The following RAD51B variants were observed in gnomAD, a reference collection of about 807,000 sequenced individuals.
The protein encoded by RAD51B is DNA repair protein RAD51 homolog 2.
In RAD51B, 38 loss-of-function variants were observed where a neutral mutation model predicts 42.2. The ratio of observed to expected loss-of-function variants is 0.90; its 90% CI spans 0.70 to 1.18. RAD51B has a LOEUF of 1.18. Ranked by LOEUF, RAD51B falls within the 50% of genes most tolerant of loss-of-function variation. The probability of loss-of-function intolerance (pLI) is 0.00; values close to 1 mark genes in which losing one functional copy is unlikely to be tolerated. For missense variants in RAD51B, 373 were observed against 400.7 expected (o/e 0.93, Z 0.59); for synonymous variants, 154 against 145.2 (o/e 1.06, Z -0.43).
chr14:68,124,319 C>A (rs1335325985), intron 7 of RAD51B, among the ~76,000 whole-genome samples: 2 of 151,924 alleles, frequency 1.3e-5, no homozygotes, highest in African/African-American at 4.9e-5. Context: ...CCTTTGCATT[C>A]CTAATAGAGG....
In RAD51B at chr14:68,247,097, A is replaced by G. The variant is rs142358625; in HGVS notation, c.757-44787A>G. Among the ~76,000 whole-genome samples, 16 of 152,250 alleles carry G rather than the reference A, an allele frequency of 1.1e-4. No homozygotes were observed. In the East Asian group the frequency reaches 3.1e-3, roughly 29 times the overall value. Reference sequence around the variant, plus strand: ...TAGGCACAGATAATCTTTAACACTAAACTACTGTGAAATTCTACCAGCATT... The same window carrying G: ...TAGGCACAGATAATCTTTAACACTAGACTACTGTGAAATTCTACCAGCATT... On this transcript the variant is annotated intron_variant, in intron 7 of 10. Coordinates refer to ENST00000471583, the MANE Select transcript of RAD51B (RefSeq NM_133510.4).
At chr14:68,410,457 C>T (rs1200892223) in intron 8 of RAD51B, among the ~76,000 whole-genome samples, 1 of 152,172 alleles carries the variant, frequency 6.6e-6, no homozygotes, top group African/African-American at 2.4e-5. Flanking sequence ...GAAAAAAGAT[C>T]GCATCTGGAG....
At chr14:68,373,638 A>T (rs1290148576) in intron 8 of RAD51B, among the ~76,000 whole-genome samples, 1 of 152,126 alleles carries the variant, frequency 6.6e-6, no homozygotes, top group Admixed American at 6.6e-5. Flanking sequence ...GGCAAGGGCA[A>T]GGGGAGCATT....
At chr14:67,849,340 G>A (rs1248262693) in intron 4 of RAD51B, among the ~76,000 whole-genome samples, 1 of 151,876 alleles carries the variant, frequency 6.6e-6, no homozygotes, top group African/African-American at 2.4e-5. Context: ...GGAGTGCAAT[G>A]GCGCAAACTC....
intron 7 of RAD51B, among the ~76,000 whole-genome samples, chr14:68,201,033 A>G (rs1385503018): frequency 6.6e-6 from 1 of 152,146 alleles, no homozygotes; most frequent in Non-Finnish European, 1.5e-5. Context: ...TTTCCCTCCC[A>G]AAGTCGAAAG....
chr14:68,497,828 G>C, intron 10 of RAD51B: 1 of 215,682 alleles, frequency 4.6e-6, no homozygotes, highest in South Asian at 1.9e-4. Flanking sequence ...CCATGGTGTA[G>C]CGTGCATCAG....
intron 9 of RAD51B, among the ~76,000 whole-genome samples, chr14:68,422,449 T>C (rs1291362211): frequency 1.3e-5 from 2 of 151,070 alleles, no homozygotes; most frequent in Admixed American, 6.6e-5. Flanking sequence ...TAATCCCAGC[T>C]ACTTGGGAGG....
chr14:67,938,680 T>G (rs2045045999), intron 7 of RAD51B, among the ~76,000 whole-genome samples: 1 of 152,240 alleles, frequency 6.6e-6, no homozygotes, highest in Non-Finnish European at 1.5e-5. Flanking sequence ...TAGAAAACAG[T>G]TGATGTCTCA....
At chr14:67,893,022 T>C (rs1566944995) in intron 7 of RAD51B, among the ~76,000 whole-genome samples, 1 of 152,306 alleles carries the variant, frequency 6.6e-6, no homozygotes, top group South Asian at 2.1e-4. Context: ...TAACAGCTTT[T>C]GAGTCCTGTG....
chr14:68,613,077 T>G (rs561391936), downstream of RAD51B, among the ~76,000 whole-genome samples: 1 of 152,344 alleles, frequency 6.6e-6, no homozygotes, highest in South Asian at 2.1e-4. Flanking sequence ...GCCTGCCCCA[T>G]GACTAATAGT....
At chr14:68,667,381 A>G (rs536768531) in intron 11 of RAD51B, among the ~76,000 whole-genome samples, 1 of 145,440 alleles carries the variant, frequency 6.9e-6, no homozygotes, top group Non-Finnish European at 1.5e-5. Context: ...AATGAAGTCC[A>G]CACCTATTTT....
At position 68,544,430 on chromosome 14, in the gene RAD51B, C is replaced by T. The variant is rs182208721; in HGVS notation, c.1037-50055C>T. Among the ~76,000 whole-genome samples, 880 of 152,318 alleles carry T rather than the reference C, an allele frequency of 5.8e-3. 8 individuals carry two copies. The highest frequency in any genetic ancestry group is 0.02 in the African/African-American group (825 of 41,554). On this transcript the variant is annotated intron_variant, in intron 10 of 10. Transcript: ENST00000487270. Reference sequence around the variant, plus strand: ...GAAGGAGAGAACAATTTTACAGCCCCGCATGGAGTGACTCCAAGCCAATCG... The same window carrying T: ...GAAGGAGAGAACAATTTTACAGCCCTGCATGGAGTGACTCCAAGCCAATCG...
chr14:67,973,290 A>C (rs1358121306), intron 7 of RAD51B, among the ~76,000 whole-genome samples: 1 of 152,064 alleles, frequency 6.6e-6, no homozygotes, highest in East Asian at 1.9e-4. Context: ...AACAAAATAA[A>C]ATTTACTTTA....
chr14:68,189,685 G>A (rs760838972), intron 7 of RAD51B, among the ~76,000 whole-genome samples: 15 of 151,802 alleles, frequency 9.9e-5, no homozygotes, highest in Non-Finnish European at 2.2e-4. Context: ...ATTATTATTT[G>A]TGATGGAGTT....
Position 68,315,381 on chromosome 14 carries a change from G to A in RAD51B, c.853+23401G>A, listed in dbSNP as rs572600664. Among the ~76,000 whole-genome samples the A allele has an allele frequency of 5.3e-5, 8 of 152,300 alleles. No homozygotes were observed. The South Asian group carries it at 6.2e-4, about 12-fold the overall frequency. ...ATCTGATCTTTGCAAAAGGCCCCAT[G>A]TTGGGCCAGCACAACAGTCTTTGCA... On this transcript the variant is annotated intron_variant, in intron 8 of 10. Transcript: ENST00000471583.
At chr14:68,664,647 C>T (rs1892996824) in intron 11 of RAD51B, among the ~76,000 whole-genome samples, 1 of 152,190 alleles carries the variant, frequency 6.6e-6, no homozygotes, top group African/African-American at 2.4e-5. Flanking sequence ...CTATTTGCTG[C>T]CAGTGAATCT....
chr14:68,667,445 G>A (rs1893054964), intron 11 of RAD51B, among the ~76,000 whole-genome samples: 1 of 128,046 alleles, frequency 7.8e-6, no homozygotes, highest in Non-Finnish European at 1.8e-5. Context: ...TGACTTTATT[G>A]TAAATCAAAT....
At chr14:68,429,216 C>T (rs1041123782) in intron 9 of RAD51B, among the ~76,000 whole-genome samples, 21 of 152,104 alleles carry the variant, frequency 1.4e-4, no homozygotes, top group African/African-American at 1.9e-4. Flanking sequence ...AATAAACATA[C>T]GTGTACATGT....
intron 2 of RAD51B, among the ~76,000 whole-genome samples, chr14:67,824,918 A>AAT (rs2040763700): frequency 6.6e-6 from 1 of 151,602 alleles, no homozygotes; most frequent in Non-Finnish European, 1.5e-5. Flanking sequence ...CTCTACTAAA[A>AAT]ATAAAAAAAA....
Sources: gnomAD v4.1 joint callset for allele counts (sites outside exome capture counted in the v4.1 genomes callset) on GRCh38, gnomAD v4.1.1 for gene constraint, MANE v1.5 for transcripts, NCBI Gene and HGNC (gene_info 2026-07-23, HGNC 2026-07-21) for gene names.